RABGAP1L: variants seen among roughly 807,000 people sequenced by gnomAD.
RABGAP1L encodes rab GTPase-activating protein 1-like.
In RABGAP1L, 63 loss-of-function variants were observed where a neutral mutation model predicts 137.7. The ratio of observed to expected loss-of-function variants is 0.46; its 90% CI spans 0.37 to 0.56. RABGAP1L has a LOEUF of 0.56. RABGAP1L is among the 20% of genes least tolerant of loss of function. The pLI, the probability that RABGAP1L is intolerant of heterozygous loss-of-function variation, is 0.00. For synonymous variants in RABGAP1L, 431 were observed against 433.7 expected (o/e 0.99, Z 0.08); for missense variants, 1,095 against 1,244.0 (o/e 0.88, Z 1.80).
chr1:174,588,716 C>G (rs1250465159), intron 13 of RABGAP1L, among the ~76,000 whole-genome samples: 2 of 151,930 alleles, frequency 1.3e-5, no homozygotes, highest in Non-Finnish European at 2.9e-5. Context: ...CTTTTTCTGC[C>G]TGTTTTATTT....
At chr1:174,396,941 C>T (rs1243911362) in intron 13 of RABGAP1L, among the ~76,000 whole-genome samples, 2 of 150,878 alleles carry the variant, frequency 1.3e-5, no homozygotes, top group Non-Finnish European at 2.9e-5. Flanking sequence ...GATTTCAAGA[C>T]CAGCCTAGGC....
chr1:174,661,315 T>G (rs1676353805), intron 14 of RABGAP1L, among the ~76,000 whole-genome samples: 1 of 152,160 alleles, frequency 6.6e-6, no homozygotes, highest in South Asian at 2.1e-4. Context: ...GTAAAGAACT[T>G]TTAGAAAATG....
chr1:174,241,674 A>T lies in RABGAP1L; in HGVS notation c.717+17A>T. 1 of 1,577,770 alleles carries T rather than the reference A, an allele frequency of 6.3e-7. No individual in the cohort carries two copies. Among genetic ancestry groups the T allele is most frequent in the East Asian group, 2.2e-5 (1 of 44,584 alleles). Reference sequence around the variant, plus strand: ...AAAGAGGCAGTAAGTATAATATAGTATAGCAATTTGCTATAGAGATGAATT... The same window carrying T: ...AAAGAGGCAGTAAGTATAATATAGTTTAGCAATTTGCTATAGAGATGAATT... On this transcript the variant is annotated intron_variant, in intron 5 of 25. Coordinates refer to ENST00000681986, the MANE Select transcript of RABGAP1L (RefSeq NM_001366446.1).
At chr1:174,443,116 A>G (rs1228453399) in intron 13 of RABGAP1L, among the ~76,000 whole-genome samples, 1 of 151,896 alleles carries the variant, frequency 6.6e-6, no homozygotes, top group Admixed American at 6.6e-5. Flanking sequence ...CCACCTGTTC[A>G]TGTCTTGATG....
At position 174,993,286 on chromosome 1, in the gene RABGAP1L, CT is replaced by C. The variant is rs1672174873; in HGVS notation, c.*3286del. 1 of 152,206 alleles carries C rather than the reference CT, an allele frequency of 6.6e-6. No individual in the cohort carries two copies. 9.4% of individuals were successfully genotyped at this position (152,206 alleles called of 1,614,324 possible). A position where few individuals can be genotyped will look rare whatever the true frequency, so the allele number is the denominator to read the frequency against. ...GCCATTCAACCAGTGTCTTCTGCCC[CT>C]CTCCCAGCTGTTAAATTAGTACTTC... On this transcript the variant is annotated 3_prime_UTR_variant, in exon 26 of 26. Coordinates refer to ENST00000681986, the MANE Select transcript of RABGAP1L (RefSeq NM_001366446.1).
At chr1:174,532,987 C>T (rs892090134) in intron 13 of RABGAP1L, among the ~76,000 whole-genome samples, 1 of 152,220 alleles carries the variant, frequency 6.6e-6, no homozygotes, top group Non-Finnish European at 1.5e-5. Flanking sequence ...GTAATCCCAG[C>T]ACTTTGGGAG....
intron 13 of RABGAP1L, among the ~76,000 whole-genome samples, chr1:174,574,608 G>C (rs1032249497): frequency 6.6e-6 from 1 of 152,034 alleles, no homozygotes; most frequent in African/African-American, 2.4e-5. Flanking sequence ...TTTTCTGTGA[G>C]TACAACAATC....
intron 11 of RABGAP1L, among the ~76,000 whole-genome samples, chr1:174,347,328 T>G (rs1372845447): frequency 1.3e-5 from 2 of 152,184 alleles, no homozygotes; most frequent in African/African-American, 4.8e-5. Flanking sequence ...AGTCTCTAGC[T>G]ATTGCATTGG....
At chr1:174,164,905 A>C (rs899635540) in intron 1 of RABGAP1L, among the ~76,000 whole-genome samples, 3 of 152,230 alleles carry the variant, frequency 2.0e-5, no homozygotes, top group African/African-American at 4.8e-5. Flanking sequence ...GTGAGTTATT[A>C]GCAAAGCCAG....
chr1:174,589,940 C>T (rs1669434957), intron 13 of RABGAP1L, among the ~76,000 whole-genome samples: 1 of 151,974 alleles, frequency 6.6e-6, no homozygotes, highest in Non-Finnish European at 1.5e-5. Context: ...TAGGCTATTC[C>T]AGGTCTTTCA....
At position 174,332,380 on chromosome 1, in the gene RABGAP1L, T is replaced by TTTTATTTATTTA. The variant is rs57912999; in HGVS notation, c.1465+27273_1465+27284dup. Among the ~76,000 whole-genome samples, 35 of 149,836 alleles carry TTTTATTTATTTA rather than the reference T, an allele frequency of 2.3e-4. No homozygotes were observed. The South Asian group carries it at 6.1e-3, about 26-fold the overall frequency. On this transcript the variant is annotated intron_variant, in intron 11 of 25. Transcript: ENST00000681986. Reference sequence around the variant, plus strand: ...TCTTTGAAGGCAATTTTATCTAAATTTTTATTTATTTATTTATTTATTTAT... The same window carrying TTTTATTTATTTA: ...TCTTTGAAGGCAATTTTATCTAAATTTTTATTTATTTATTTATTTATTTATTTATTTATTTAT...
chr1:174,846,121 T>C (rs1469918740), intron 19 of RABGAP1L, among the ~76,000 whole-genome samples: 1 of 152,000 alleles, frequency 6.6e-6, no homozygotes, highest in Non-Finnish European at 1.5e-5. Context: ...CTCTCTTTTC[T>C]TCTTTATTAG....
intron 18 of RABGAP1L, among the ~76,000 whole-genome samples, chr1:174,768,622 A>T (rs559033475): frequency 2.6e-5 from 4 of 152,366 alleles, no homozygotes; most frequent in African/African-American, 7.2e-5. Context: ...GGGAAGAATC[A>T]GGGGAGAAGA....
intron 13 of RABGAP1L, among the ~76,000 whole-genome samples, chr1:174,514,050 C>T (rs981365230): frequency 6.6e-6 from 1 of 151,862 alleles, no homozygotes; most frequent in African/African-American, 2.4e-5. Context: ...GTTCAGCTAT[C>T]AGAGCAGGAA....
At chr1:174,261,232 T>A (rs1299971470) in intron 7 of RABGAP1L, among the ~76,000 whole-genome samples, 1 of 152,174 alleles carries the variant, frequency 6.6e-6, no homozygotes, top group Non-Finnish European at 1.5e-5. Flanking sequence ...GGGCCAACAC[T>A]GTTGGAAAAT....
At position 174,632,370 on chromosome 1, in the gene RABGAP1L, C is replaced by G. The variant is rs559782558; in HGVS notation, c.1711-5005C>G. 3.6e-4 allele frequency among the ~76,000 whole-genome samples: 52 copies of G among 146,292 alleles called. 1 individual carries two copies. Among genetic ancestry groups the G allele is most frequent in the Middle Eastern group, 6.9e-3 (2 of 288 alleles). The stretch of plus-strand genomic sequence containing the variant: ...TTTGGTGAATCTGAGAATTATGTGT[C>G]TTGGAGTTGCTCTTCTCGAGGAGTA... On this transcript the variant is annotated intron_variant, in intron 13 of 25. Transcript: ENST00000681986.
chr1:174,675,446 A>G (rs930230131), intron 14 of RABGAP1L, among the ~76,000 whole-genome samples: 6 of 151,496 alleles, frequency 4.0e-5, no homozygotes, highest in African/African-American at 9.7e-5. Context: ...CCATTGATCT[A>G]TATCTCTGTT....
intron 11 of RABGAP1L, among the ~76,000 whole-genome samples, chr1:174,362,806 T>C (rs1684262758): frequency 1.3e-5 from 2 of 152,222 alleles, no homozygotes; most frequent in Admixed American, 1.3e-4. Context: ...TAGATACCAT[T>C]TATCAATTTT....
intron 13 of RABGAP1L, among the ~76,000 whole-genome samples, chr1:174,530,331 G>C (rs1664280524): frequency 6.6e-6 from 1 of 152,116 alleles, no homozygotes; most frequent in Non-Finnish European, 1.5e-5. Context: ...TGGGTTCCAG[G>C]ACAGTACATA....
Sources: gnomAD v4.1 joint callset for allele counts (sites outside exome capture counted in the v4.1 genomes callset) on GRCh38, gnomAD v4.1.1 for gene constraint, MANE v1.5 for transcripts, NCBI Gene and HGNC (gene_info 2026-07-23, HGNC 2026-07-21) for gene names.